L3MBTL3: variants seen among roughly 807,000 people sequenced by gnomAD.
L3MBTL3 encodes L3MBTL histone methyl-lysine binding protein 3.
L3MBTL3 carries 27 observed loss-of-function variants against 102.3 expected under a neutral mutation model. That is an observed-to-expected ratio of 0.26 (90% CI 0.19 to 0.36). L3MBTL3 has a LOEUF of 0.36. Among genes scored for constraint, L3MBTL3 ranks in the 10% least tolerant of loss-of-function variants. The probability of loss-of-function intolerance (pLI) is 1.00; values close to 1 mark genes in which losing one functional copy is unlikely to be tolerated. For synonymous variants in L3MBTL3, 340 were observed against 320.9 expected (o/e 1.06, Z -0.64); for missense variants, 798 against 955.3 (o/e 0.84, Z 2.17).
chr6:130,091,088 T>G (rs1304496027), intron 16 of L3MBTL3, among the ~76,000 whole-genome samples: 1 of 152,204 alleles, frequency 6.6e-6, no homozygotes, highest in Non-Finnish European at 1.5e-5. Context: ...GTCTTTCATT[T>G]TATTTTATAA....
intron 2 of L3MBTL3, among the ~76,000 whole-genome samples, chr6:130,040,443 G>C (rs753583892): frequency 1.3e-5 from 2 of 151,862 alleles, no homozygotes; most frequent in East Asian, 3.9e-4. Context: ...TTGCTTAACC[G>C]AGTTAGGCAG....
At chr6:130,111,645 A>G (rs369386166) in intron 19 of L3MBTL3, among the ~76,000 whole-genome samples, 1 of 152,188 alleles carries the variant, frequency 6.6e-6, no homozygotes. Flanking sequence ...TTCCTGTCAT[A>G]ACATTATTTT....
chr6:130,053,820 G>T (rs961063293), intron 7 of L3MBTL3, among the ~76,000 whole-genome samples: 4 of 152,106 alleles, frequency 2.6e-5, no homozygotes, highest in Non-Finnish European at 4.4e-5. Flanking sequence ...CGTTGAGATC[G>T]GTATTGTACA....
chr6:130,029,288 T>C (rs1323494338), intron 2 of L3MBTL3, among the ~76,000 whole-genome samples: 1 of 152,170 alleles, frequency 6.6e-6, no homozygotes, highest in South Asian at 2.1e-4. Context: ...TTGGGGATGA[T>C]GACGCAGAGC....
intron 2 of L3MBTL3, among the ~76,000 whole-genome samples, chr6:130,034,859 G>T (rs571751859): frequency 3.7e-4 from 57 of 152,318 alleles, no homozygotes; most frequent in Non-Finnish European, 5.6e-4. Flanking sequence ...TGTCACTCAG[G>T]AATGGTAGGA....
intron 16 of L3MBTL3, among the ~76,000 whole-genome samples, chr6:130,086,478 A>G (rs555186488): frequency 6.6e-6 from 1 of 152,202 alleles, no homozygotes; most frequent in East Asian, 1.9e-4. Context: ...TTGAGTATGT[A>G]TTTGGAGAAA....
intron 11 of L3MBTL3, 51 bp from the exon 12 acceptor site, chr6:130,068,279 T>G (rs767494187): frequency 8.7e-5 from 83 of 952,472 alleles, no homozygotes; most frequent in Middle Eastern, 2.2e-4. Context: ...GAAAACTAAG[T>G]GTAAAATATT....
At chr6:130,068,541 AC>A in intron 12 of L3MBTL3, 120 bp downstream of exon 12, 1 of 560,446 alleles carries the variant, frequency 1.8e-6, no homozygotes, top group Admixed American at 3.1e-5. Flanking sequence ...TAAATAGAGT[AC>A]TCTTATCTTA....
At chr6:130,101,771 C>CTAA (rs1233539706) in intron 18 of L3MBTL3, among the ~76,000 whole-genome samples, 1 of 152,216 alleles carries the variant, frequency 6.6e-6, no homozygotes, top group Non-Finnish European at 1.5e-5. Context: ...AATGCCCTTA[C>CTAA]AGTGAGTGTT....
At chr6:130,116,056 A>C (rs982599650) in intron 19 of L3MBTL3, among the ~76,000 whole-genome samples, 1 of 152,166 alleles carries the variant, frequency 6.6e-6, no homozygotes, top group Non-Finnish European at 1.5e-5. Flanking sequence ...CTGGGTTATA[A>C]CCCAGACAGT....
chr6:130,113,371 A>T (rs978924228), intron 19 of L3MBTL3, among the ~76,000 whole-genome samples: 4 of 152,168 alleles, frequency 2.6e-5, no homozygotes, highest in Non-Finnish European at 2.9e-5. Flanking sequence ...ATACTTCACA[A>T]TGTGTTATTA....
intron 7 of L3MBTL3, among the ~76,000 whole-genome samples, chr6:130,053,824 T>C (rs1781268236): frequency 6.6e-6 from 1 of 152,170 alleles, no homozygotes. Context: ...GAGATCGGTA[T>C]TGTACAACTG....
intron 9 of L3MBTL3, 144 bp from the exon 10 acceptor site, chr6:130,059,892 G>T: frequency 1.8e-6 from 1 of 561,722 alleles, no homozygotes; most frequent in Non-Finnish European, 3.1e-6. Context: ...TTTTCAGTGG[G>T]TTATTTATTG....
intron 18 of L3MBTL3, 130 bp from the exon 19 acceptor site, chr6:130,104,296 A>G: frequency 1.9e-6 from 1 of 540,062 alleles, no homozygotes; most frequent in Non-Finnish European, 3.1e-6. Flanking sequence ...ATTATAAAAT[A>G]TAACAATATA....
chr6:130,082,292 C>T (rs150452177), intron 14 of L3MBTL3, among the ~76,000 whole-genome samples: 32 of 152,256 alleles, frequency 2.1e-4, no homozygotes, highest in African/African-American at 7.2e-4. Context: ...TGTTGACATT[C>T]CTGGCATGAA....
chr6:130,096,997 C>A (rs182190230), intron 18 of L3MBTL3, among the ~76,000 whole-genome samples: 1 of 152,140 alleles, frequency 6.6e-6, no homozygotes, highest in South Asian at 2.1e-4. Context: ...TTGGTTGACT[C>A]GAGCCCCTGG....
chr6:130,054,662 T>G lies in L3MBTL3; in HGVS notation c.583-509T>G, dbSNP rs1023234789. ...CAGAGTCCTTTGGCCATGATGGGTTTGAAATGCTGATTAACCATCCAGGTG... is the reference window on the plus strand; with the variant it reads ...CAGAGTCCTTTGGCCATGATGGGTTGGAAATGCTGATTAACCATCCAGGTG... On this transcript the variant is annotated intron_variant, in intron 7 of 22. Transcript: ENST00000361794. Among the ~76,000 whole-genome samples the G allele has an allele frequency of 5.9e-5, 9 of 152,290 alleles. No individual in the cohort carries two copies. The East Asian group carries it at 1.7e-3, about 29-fold the overall frequency.
At chr6:130,088,437 A>G (rs1783827120) in intron 16 of L3MBTL3, among the ~76,000 whole-genome samples, 1 of 152,206 alleles carries the variant, frequency 6.6e-6, no homozygotes, top group Admixed American at 6.5e-5. Context: ...AGAGGAGGAA[A>G]ATGTAGACCA....
chr6:130,019,000 A>C (rs1271799517), intron 1 of L3MBTL3, among the ~76,000 whole-genome samples: 2 of 151,470 alleles, frequency 1.3e-5, no homozygotes, highest in African/African-American at 4.8e-5. Flanking sequence ...GAAAAGAGAA[A>C]GGAAAAAATG....
Sources: gnomAD v4.1 joint callset for allele counts (sites outside exome capture counted in the v4.1 genomes callset) on GRCh38, gnomAD v4.1.1 for gene constraint, MANE v1.5 for transcripts, NCBI Gene and HGNC (gene_info 2026-07-23, HGNC 2026-07-21) for gene names.